The following ITPKB variants were observed in gnomAD, a reference collection of about 807,000 sequenced individuals.
ITPKB encodes inositol-trisphosphate 3-kinase B, also known as IP3 3-kinase B.
A neutral mutation model predicts 69.4 loss-of-function variants in ITPKB; 13 were observed. That is an observed-to-expected ratio of 0.19 (90% CI 0.12 to 0.30). ITPKB has a LOEUF of 0.30. ITPKB is among the 10% of genes least tolerant of loss of function. The probability of loss-of-function intolerance (pLI) is 1.00; values close to 1 mark genes in which losing one functional copy is unlikely to be tolerated. For missense variants in ITPKB, 1,240 were observed against 1,250.5 expected (o/e 0.99, Z 0.13); for synonymous variants, 584 against 513.7 (o/e 1.14, Z -1.85).
chr1:226,703,573 G>A (rs1017254608), intron 2 of ITPKB, among the ~76,000 whole-genome samples: 2 of 152,206 alleles, frequency 1.3e-5, no homozygotes, highest in Non-Finnish European at 2.9e-5. Flanking sequence ...CCGGGGAGGG[G>A]GCGCCGTCTC....
At chr1:226,655,281 C>A (rs144298642) in intron 2 of ITPKB, among the ~76,000 whole-genome samples, 1 of 152,346 alleles carries the variant, frequency 6.6e-6, no homozygotes, top group African/African-American at 2.4e-5. Flanking sequence ...GTAAGAATGT[C>A]ATGATGGGGA....
At chr1:226,636,433 G>A (rs940926244) in intron 7 of ITPKB, among the ~76,000 whole-genome samples, 5 of 152,240 alleles carry the variant, frequency 3.3e-5, no homozygotes, top group Non-Finnish European at 4.4e-5. Context: ...CAGGCGCCCC[G>A]CAGGGAATGA....
chr1:226,673,766 C>G (rs979012171), intron 2 of ITPKB, among the ~76,000 whole-genome samples: 1 of 152,220 alleles, frequency 6.6e-6, no homozygotes, highest in Non-Finnish European at 1.5e-5. Flanking sequence ...TTATCTATCT[C>G]CACAAAGTAG....
intron 2 of ITPKB, among the ~76,000 whole-genome samples, chr1:226,658,760 C>T (rs915969493): frequency 2.0e-5 from 3 of 152,140 alleles, no homozygotes; most frequent in Non-Finnish European, 4.4e-5. Flanking sequence ...AACCCATGAG[C>T]GTAGGGTAGG....
chr1:226,737,594 C>T lies in ITPKB; in HGVS notation c.-136G>A, dbSNP rs1657838004. On this transcript the variant is annotated 5_prime_UTR_variant, in exon 2 of 8. Transcript: ENST00000429204. ...TCCGCGCGCAGATGGGGCGGCATGG[C>T]CTGGGCAGCGGGCTGGGGGCACGAC... is the stretch of plus-strand genomic sequence containing the variant. 1 of 1,175,724 alleles carries T rather than the reference C, an allele frequency of 8.5e-7. No homozygotes were observed. Among genetic ancestry groups the T allele is most frequent in the African/African-American group, 1.6e-5 (1 of 62,072 alleles). 72.8% of individuals were successfully genotyped at this position (1,175,724 alleles called of 1,614,324 possible).
intron 2 of ITPKB, among the ~76,000 whole-genome samples, chr1:226,688,384 C>T (rs912409992): frequency 3.3e-5 from 5 of 152,018 alleles, no homozygotes; most frequent in African/African-American, 1.2e-4. Flanking sequence ...CTCCTGACCG[C>T]CCCCCATCAG....
intron 2 of ITPKB, among the ~76,000 whole-genome samples, chr1:226,673,315 A>C (rs1339491195): frequency 1.3e-5 from 2 of 152,204 alleles, no homozygotes; most frequent in Non-Finnish European, 2.9e-5. Flanking sequence ...AGAGGCTGCC[A>C]TGTTCGTGCC....
At chr1:226,653,659 G>A (rs1270064407) in intron 2 of ITPKB, among the ~76,000 whole-genome samples, 1 of 152,246 alleles carries the variant, frequency 6.6e-6, no homozygotes, top group Non-Finnish European at 1.5e-5. Context: ...ACACTTCGGT[G>A]GAAAGGAAAG....
chr1:226,720,242 T>C (rs184352832), intron 2 of ITPKB, among the ~76,000 whole-genome samples: 1 of 152,326 alleles, frequency 6.6e-6, no homozygotes, highest in East Asian at 1.9e-4. Flanking sequence ...GGTCCAGTAT[T>C]TCCACGGCAA....
rs183797294 is a variant in ITPKB at position 226,717,494 on chromosome 1, C to A, written c.1932+18033G>T. 4.6e-5 allele frequency among the ~76,000 whole-genome samples: 7 copies of A among 152,282 alleles called. No homozygotes were observed. In the East Asian group the frequency reaches 1.2e-3, roughly 25 times the overall value. On this transcript the variant is annotated intron_variant, in intron 2 of 7. Transcript: ENST00000429204. ...GGAAGCACCAGTGGCGGAAAGGAAG[C>A]CTCACCCAGAGTGGGGCCTGGTCCT... is the stretch of plus-strand genomic sequence containing the variant.
At chr1:226,735,129 CAG>C (rs1657705403) in intron 2 of ITPKB, among the ~76,000 whole-genome samples, 1 of 152,218 alleles carries the variant, frequency 6.6e-6, no homozygotes, top group Non-Finnish European at 1.5e-5. Context: ...GAATGAAACA[CAG>C]AGTTAAGTGT....
intron 2 of ITPKB, among the ~76,000 whole-genome samples, chr1:226,649,515 A>G (rs1669140633): frequency 1.4e-5 from 2 of 143,780 alleles, no homozygotes; most frequent in African/African-American, 5.2e-5. Context: ...TGATATGTGC[A>G]TGTGTGTGAT....
intron 2 of ITPKB, among the ~76,000 whole-genome samples, chr1:226,710,006 C>CT (rs1656902248): frequency 6.6e-6 from 1 of 152,132 alleles, no homozygotes; most frequent in African/African-American, 2.4e-5. Context: ...AAATCACTCC[C>CT]TAATGGGAAG....
intron 2 of ITPKB, among the ~76,000 whole-genome samples, chr1:226,734,444 C>T (rs1657685636): frequency 2.0e-5 from 3 of 152,128 alleles, no homozygotes; most frequent in Non-Finnish European, 4.4e-5. Context: ...TATTGAGGTA[C>T]AGTGAAGAGT....
In ITPKB at chr1:226,735,795, G is replaced by A; in HGVS notation, c.1664C>T (p.Pro555Leu). The change falls in exon 2 of 8, where the codon CCT (proline) becomes CTT (leucine). Residue 555 changes from proline (P) to leucine (L), a missense_variant. Coordinates refer to ENST00000429204, the MANE Select transcript of ITPKB (RefSeq NM_002221.4). ...GGGGCTGCAGGCCTTCCTCAGGAAA[G>A]GCTTGTCCGGATCTTGGGGTAGCAG... Reference protein sequence around the residue: ...PELLPQDPDKPFLRKACSPSN... With the variant: ...PELLPQDPDKLFLRKACSPSN... 2 of 1,607,708 alleles carry A rather than the reference G, an allele frequency of 1.2e-6. No homozygotes were observed. The highest frequency in any genetic ancestry group is 2.2e-5 in the South Asian group (2 of 90,896).
At chr1:226,708,772 G>T (rs756806191) in intron 2 of ITPKB, among the ~76,000 whole-genome samples, 1 of 152,236 alleles carries the variant, frequency 6.6e-6, no homozygotes, top group Non-Finnish European at 1.5e-5. Context: ...CAAGGTGAAA[G>T]AATGTGTTTT....
chr1:226,712,913 C>T (rs976522015), intron 2 of ITPKB, among the ~76,000 whole-genome samples: 8 of 152,090 alleles, frequency 5.3e-5, no homozygotes, highest in South Asian at 4.1e-4. Flanking sequence ...GTAACGCTCA[C>T]GCAGCTGCAC....
chr1:226,687,559 C>T (rs893572415), intron 2 of ITPKB, among the ~76,000 whole-genome samples: 2 of 152,194 alleles, frequency 1.3e-5, no homozygotes, highest in Non-Finnish European at 2.9e-5. Flanking sequence ...TGTAAAGGAA[C>T]ATGAATGAGC....
rs760976456 is a variant in ITPKB at position 226,736,584 on chromosome 1, G to A, written c.875C>T (p.Ser292Leu). 2 of 1,613,908 alleles carry A rather than the reference G, an allele frequency of 1.2e-6. No homozygotes were observed. Among genetic ancestry groups the A allele is most frequent in the East Asian group, 2.2e-5 (1 of 44,866 alleles). Residue 292 changes from serine (S) to leucine (L), a missense_variant, in exon 2 of 8, where the codon TCA (serine) becomes TTA (leucine). Ser to Leu is a moderately radical substitution (Grantham distance 145, BLOSUM62 -2). This residue lies in a region of ITPKB where 992 missense variants were observed against 853.8 expected (regional missense o/e 1.16). Transcript: ENST00000429204. ...TPGTRSCLAP[S>L]LGLFGASLTM... ...TAAGCTAGCTCCGAACAGCCCCAAT[G>A]AGGGAGCTAGGCAGCTCCGAGTTCC...
Sources: gnomAD v4.1 joint callset for allele counts (sites outside exome capture counted in the v4.1 genomes callset) on GRCh38, gnomAD v4.1.1 for gene constraint, gnomAD v4.1.1 regional missense constraint, MANE v1.5 for transcripts, NCBI Gene and HGNC (gene_info 2026-07-23, HGNC 2026-07-21) for gene names.